Variants in RPS6KC1 observed in about 807,000 individuals in gnomAD.
RPS6KC1 encodes the protein ribosomal protein S6 kinase C1.
A neutral mutation model predicts 103.8 loss-of-function variants in RPS6KC1; 54 were observed. The ratio of observed to expected loss-of-function variants is 0.52; its 90% confidence interval spans 0.42 to 0.65. RPS6KC1 has a LOEUF of 0.65. Ranked by LOEUF, RPS6KC1 falls within the 30% of genes least tolerant of loss-of-function variation. The pLI, the probability that RPS6KC1 is intolerant of heterozygous loss-of-function variation, is 0.00. For missense variants in RPS6KC1, 1,151 were observed against 1,253.8 expected, an observed-to-expected ratio of 0.92 and a Z score of 1.24; for synonymous variants, 439 against 438.7, an observed-to-expected ratio of 1.00 and a Z score of -0.01.
At chr1:213,844,114 C>G in the RPS6KC1 span, among the ~76,000 whole-genome samples, 2 of 152,254 alleles carry the variant, frequency 1.3e-5, no homozygotes, top group Non-Finnish European at 2.9e-5. Context: ...ATGCATTAGG[C>G]TATGCCATGC....
the RPS6KC1 span, among the ~76,000 whole-genome samples, chr1:213,625,727 G>C: frequency 6.6e-6 from 1 of 152,150 alleles, no homozygotes; most frequent in Admixed American, 6.5e-5. Context: ...ATGGTTTCCA[G>C]CTTCAACCAT....
chr1:213,381,851 G>A, the RPS6KC1 span, among the ~76,000 whole-genome samples: 12 of 152,246 alleles, frequency 7.9e-5, no homozygotes, highest in Non-Finnish European at 1.5e-4. Context: ...CAGCCCCCTC[G>A]CGCCTGCAGG....
At chr1:213,261,536 C>T (rs202051233) in intron 12 of RPS6KC1, 22 bp from the exon 13 acceptor site, 1 of 1,607,022 alleles carries the variant, frequency 6.2e-7, no homozygotes, top group African/African-American at 1.3e-5. Flanking sequence ...ATTTTAATAT[C>T]AACCTTTTTT....
At chr1:213,609,328 A>G in the RPS6KC1 span, among the ~76,000 whole-genome samples, 1 of 152,208 alleles carries the variant, frequency 6.6e-6, no homozygotes, top group Non-Finnish European at 1.5e-5. Flanking sequence ...TGGGATGCAG[A>G]GACCTGACCT....
chr1:213,523,359 T>G, the RPS6KC1 span, among the ~76,000 whole-genome samples: 2 of 152,196 alleles, frequency 1.3e-5, no homozygotes, highest in African/African-American at 4.8e-5. Flanking sequence ...AATGTTAGAA[T>G]TATCAAAACA....
chr1:213,716,018 T>A, the RPS6KC1 span, among the ~76,000 whole-genome samples: 7 of 152,238 alleles, frequency 4.6e-5, no homozygotes, highest in African/African-American at 1.7e-4. Flanking sequence ...ATAAGCTCCA[T>A]GAAATGCTTT....
intron 6 of RPS6KC1, among the ~76,000 whole-genome samples, chr1:213,152,337 C>G (rs1282878811): frequency 5.5e-5 from 8 of 146,014 alleles, no homozygotes; most frequent in South Asian, 2.1e-4. Flanking sequence ...GCTGACCCCC[C>G]CCACCTCCCT....
the RPS6KC1 span, among the ~76,000 whole-genome samples, chr1:213,298,405 G>GC: frequency 6.6e-6 from 1 of 151,868 alleles, no homozygotes; most frequent in East Asian, 1.9e-4. Context: ...CTCTTTGAAA[G>GC]CTTCTAGTAT....
the RPS6KC1 span, among the ~76,000 whole-genome samples, chr1:213,705,619 G>T: frequency 6.6e-6 from 1 of 152,216 alleles, no homozygotes; most frequent in Non-Finnish European, 1.5e-5. Context: ...TACATAGAAC[G>T]TAAAACAAAG....
the RPS6KC1 span, among the ~76,000 whole-genome samples, chr1:213,722,053 G>T: frequency 6.6e-6 from 1 of 152,142 alleles, no homozygotes; most frequent in Non-Finnish European, 1.5e-5. Context: ...CAAGAGGTCA[G>T]ATCTTGAGGG....
At chr1:213,519,539 ATAAT>A in the RPS6KC1 span, among the ~76,000 whole-genome samples, 1 of 152,176 alleles carries the variant, frequency 6.6e-6, no homozygotes, top group Non-Finnish European at 1.5e-5. Flanking sequence ...TATTTTAGAC[ATAAT>A]TAAGTAATCA....
chr1:213,480,478 G>A, the RPS6KC1 span, among the ~76,000 whole-genome samples: 1 of 150,936 alleles, frequency 6.6e-6, no homozygotes, highest in Non-Finnish European at 1.5e-5. Context: ...CATACACCTA[G>A]CAATCTTGAT....
At chr1:213,627,009 C>T in the RPS6KC1 span, among the ~76,000 whole-genome samples, 2 of 152,130 alleles carry the variant, frequency 1.3e-5, no homozygotes, top group Non-Finnish European at 2.9e-5. Context: ...CTGTAAATTA[C>T]CTTGGGCAGT....
the RPS6KC1 span, among the ~76,000 whole-genome samples, chr1:213,441,917 G>T: frequency 6.6e-6 from 1 of 152,328 alleles, no homozygotes; most frequent in African/African-American, 2.4e-5. Flanking sequence ...TTTAATTATT[G>T]CACATTGTAT....
the RPS6KC1 span, among the ~76,000 whole-genome samples, chr1:213,635,857 T>C: frequency 3.3e-3 from 506 of 152,314 alleles, 2 homozygotes; most frequent in Non-Finnish European, 5.1e-3. Context: ...AATGATTGTA[T>C]ATTTAGAAAA....
chr1:213,179,639 G>T (rs2092135530), intron 8 of RPS6KC1, among the ~76,000 whole-genome samples: 1 of 152,076 alleles, frequency 6.6e-6, no homozygotes, highest in South Asian at 2.1e-4. Flanking sequence ...TTTCATTACA[G>T]TATTTGGTTT....
chr1:213,484,064 T>C, the RPS6KC1 span, among the ~76,000 whole-genome samples: 3 of 152,228 alleles, frequency 2.0e-5, no homozygotes, highest in African/African-American at 7.2e-5. Context: ...ACTCTCTCTT[T>C]ATTTTTCAGT....
At chr1:213,779,952 T>A in the RPS6KC1 span, among the ~76,000 whole-genome samples, 1 of 152,202 alleles carries the variant, frequency 6.6e-6, no homozygotes, top group Non-Finnish European at 1.5e-5. Flanking sequence ...GTTAGTGTGA[T>A]CTGAGTACTT....
the RPS6KC1 span, among the ~76,000 whole-genome samples, chr1:213,462,474 A>G: frequency 3.2e-4 from 49 of 152,214 alleles, no homozygotes; most frequent in Non-Finnish European, 6.5e-4. Flanking sequence ...TTGCAGCACT[A>G]TTCATAACAG....
Sources: allele counts gnomAD v4.1 joint callset (sites outside exome capture counted in the v4.1 genomes callset), GRCh38; gene constraint gnomAD v4.1.1; transcripts MANE v1.5; gene names NCBI Gene and HGNC (gene_info 2026-07-23, HGNC 2026-07-21).